The following DCC variants were observed in gnomAD, a reference collection of about 807,000 sequenced individuals.
The protein encoded by DCC is netrin receptor DCC.
Under a neutral mutation model 172.5 loss-of-function variants are expected in DCC, and 58 were observed. The ratio of observed to expected loss-of-function variants is 0.34; its 90% CI spans 0.27 to 0.42. The LOEUF is 0.42. DCC is among the 10% of genes least tolerant of loss of function. DCC has a pLI of 1.00. For synonymous variants in DCC, 709 were observed against 644.5 expected (o/e 1.10, Z -1.52); for missense variants, 1,740 against 1,791.0 (o/e 0.97, Z 0.51).
intron 2 of DCC, among the ~76,000 whole-genome samples, chr18:52,760,445 G>A (rs2037143323): frequency 6.6e-6 from 1 of 152,138 alleles, no homozygotes; most frequent in Non-Finnish European, 1.5e-5. Context: ...CCCCGGCTAT[G>A]GGGCAGGACT....
Position 53,386,134 on chromosome 18 carries a change from A to G in DCC, c.2451A>G (p.Ile817Met), listed in dbSNP as rs140899546. 6 of 1,593,422 alleles carry G rather than the reference A, an allele frequency of 3.8e-6. No individual in the cohort carries two copies. The highest frequency in any genetic ancestry group is 1.7e-5 in the Admixed American group (1 of 59,984). The change falls in exon 16 of 29, where the codon ATA becomes ATG. Residue 817 changes from isoleucine (I) to methionine (M), a missense_variant. Ile to Met is a conservative substitution (Grantham distance 10). Coordinates refer to ENST00000442544, the MANE Select transcript of DCC (RefSeq NM_005215.4). The stretch of plus-strand genomic sequence containing the variant: ...ATGAAAGTGCCACCACCAGGTCTAT[A>G]ACCGGTAAGTGAAATTGTTAATCTT... ...PLYESATTRS[I>M]TDPTDPVDYY...
At chr18:52,766,284 C>T (rs556624856) in intron 2 of DCC, among the ~76,000 whole-genome samples, 5 of 152,292 alleles carry the variant, frequency 3.3e-5, no homozygotes, top group South Asian at 2.1e-4. Context: ...CCTGCAATTC[C>T]GGAAGGCCCA....
At chr18:52,921,680 CAGAG>C (rs1031378072) in intron 3 of DCC, among the ~76,000 whole-genome samples, 2 of 148,424 alleles carry the variant, frequency 1.3e-5, no homozygotes, top group Admixed American at 6.9e-5. Flanking sequence ...GCCTGGGTGA[CAGAG>C]AGGCTCCATC....
intron 12 of DCC, among the ~76,000 whole-genome samples, chr18:53,257,498 A>T (rs910478608): frequency 1.7e-4 from 26 of 152,282 alleles, no homozygotes; most frequent in African/African-American, 5.3e-4. Context: ...GGTTCTGATT[A>T]TATGCTGGAT....
intron 21 of DCC, among the ~76,000 whole-genome samples, chr18:53,433,667 T>C (rs1229936033): frequency 6.6e-6 from 1 of 152,214 alleles, no homozygotes. Flanking sequence ...ATCACAGTTA[T>C]ATAAACAAGG....
intron 2 of DCC, among the ~76,000 whole-genome samples, chr18:52,848,195 C>T (rs532672028): frequency 8.6e-4 from 130 of 150,760 alleles, no homozygotes; most frequent in Non-Finnish European, 1.1e-3. Flanking sequence ...GATAGATTCT[C>T]CTGCCCCAGC....
At chr18:53,355,525 T>C (rs1242648233) in intron 15 of DCC, among the ~76,000 whole-genome samples, 1 of 152,190 alleles carries the variant, frequency 6.6e-6, no homozygotes, top group Admixed American at 6.5e-5. Context: ...TATTTCATTC[T>C]CTTTGAAGCA....
chr18:52,876,174 C>A (rs961199088), intron 2 of DCC, among the ~76,000 whole-genome samples: 1 of 152,158 alleles, frequency 6.6e-6, no homozygotes, highest in Non-Finnish European at 1.5e-5. Flanking sequence ...CTAAATCAAT[C>A]ATTTGTCATA....
chr18:53,047,681 T>C (rs2042275401), intron 5 of DCC, among the ~76,000 whole-genome samples: 1 of 151,240 alleles, frequency 6.6e-6, no homozygotes, highest in Non-Finnish European at 1.5e-5. Flanking sequence ...TAGGAACCTA[T>C]TGCTTTAATT....
At position 52,564,220 on chromosome 18, in the gene DCC, A is replaced by G. The variant is rs148335986; in HGVS notation, c.92-187834A>G. On this transcript the variant is annotated intron_variant, in intron 1 of 28. Coordinates refer to ENST00000442544, the MANE Select transcript of DCC (RefSeq NM_005215.4). The stretch of plus-strand genomic sequence containing the variant: ...AGTAAAAGATGACAATAAATGTAGA[A>G]GAGGTCTATGAGAGAATAGATTCTC... Among the ~76,000 whole-genome samples, 501 of 152,264 alleles carry G rather than the reference A, an allele frequency of 3.3e-3. 4 individuals are homozygous for G. The highest frequency in any genetic ancestry group is 0.012 in the African/African-American group (483 of 41,570).
chr18:52,368,054 A>T (rs1211780457), intron 1 of DCC, among the ~76,000 whole-genome samples: 1 of 152,238 alleles, frequency 6.6e-6, no homozygotes, highest in Non-Finnish European at 1.5e-5. Context: ...TTTTCCACTC[A>T]GAAAGATCCT....
intron 1 of DCC, among the ~76,000 whole-genome samples, chr18:52,521,225 T>C (rs999215942): frequency 6.6e-6 from 1 of 152,132 alleles, no homozygotes; most frequent in Non-Finnish European, 1.5e-5. Flanking sequence ...TTAGAGGAAA[T>C]TAATAAAATA....
At chr18:53,223,330 A>G (rs1400717125) in intron 12 of DCC, among the ~76,000 whole-genome samples, 3 of 152,210 alleles carry the variant, frequency 2.0e-5, no homozygotes, top group Non-Finnish European at 2.9e-5. Context: ...AAAAGAGATT[A>G]AAATATATGA....
chr18:52,360,593 T>C (rs1001787197), intron 1 of DCC, among the ~76,000 whole-genome samples: 2 of 152,204 alleles, frequency 1.3e-5, no homozygotes, highest in Non-Finnish European at 2.9e-5. Context: ...TCTCCTTACT[T>C]GTGCTTAAGT....
chr18:53,091,843 CTATCTATCAATCTATCTATATATA>C (rs879425859), intron 7 of DCC, among the ~76,000 whole-genome samples: 1,445 of 64,176 alleles, frequency 0.023, 13 homozygotes, highest in East Asian at 0.11. Context: ...ATCTATCTAT[CTATCTATCAATCTATCTATATATA>C]TATATATATC....
intron 1 of DCC, among the ~76,000 whole-genome samples, chr18:52,395,962 T>A (rs1986210203): frequency 6.6e-6 from 1 of 152,018 alleles, no homozygotes; most frequent in African/African-American, 2.4e-5. Flanking sequence ...TAAGTCAGGA[T>A]ATACCTTTAG....
chr18:52,342,315 C>T (rs866864324), intron 1 of DCC, among the ~76,000 whole-genome samples: 1 of 151,928 alleles, frequency 6.6e-6, no homozygotes, highest in African/African-American at 2.4e-5. Flanking sequence ...GCGCGCTGTC[C>T]TGTGATGAGC....
intron 12 of DCC, among the ~76,000 whole-genome samples, chr18:53,244,546 G>A (rs2056343231): frequency 6.6e-6 from 1 of 152,120 alleles, no homozygotes; most frequent in South Asian, 2.1e-4. Context: ...TATATCTAGG[G>A]ATTTGACTTG....
intron 1 of DCC, among the ~76,000 whole-genome samples, chr18:52,408,760 T>C (rs530697030): frequency 3.9e-5 from 6 of 152,296 alleles, no homozygotes; most frequent in Admixed American, 2.6e-4. Flanking sequence ...ATCATTGTAT[T>C]AACTATTAGA....
Sources: allele counts gnomAD v4.1 joint callset (sites outside exome capture counted in the v4.1 genomes callset), GRCh38; gene constraint gnomAD v4.1.1; transcripts MANE v1.5; gene names NCBI Gene and HGNC (gene_info 2026-07-23, HGNC 2026-07-21).